DUOX1: variants seen among roughly 807,000 people sequenced by gnomAD.
DUOX1 encodes NADPH thyroid oxidase 1.
Under a neutral mutation model 181.8 loss-of-function variants are expected in DUOX1, and 134 were observed. That is an observed-to-expected ratio of 0.74 (90% CI 0.64 to 0.85). DUOX1 has a LOEUF of 0.85. DUOX1 is among the 40% of genes least tolerant of loss of function. The pLI is 0.00. For synonymous variants in DUOX1, 798 were observed against 832.5 expected (o/e 0.96, Z 0.71); for missense variants, 1,814 against 2,064.4 (o/e 0.88, Z 2.35).
chr15:45,137,833 G>T, intron 9 of DUOX1, 91 bp from the exon 10 acceptor site: 1 of 1,006,476 alleles, frequency 9.9e-7, no homozygotes, highest in South Asian at 1.8e-5. Flanking sequence ...ATGGCCTGGG[G>T]TCCCTGGATA....
In DUOX1 at chr15:45,142,103, T is replaced by C. The variant is rs1896514114; in HGVS notation, c.1813T>C (p.Phe605Leu). 2 of 1,613,510 alleles carry C rather than the reference T, an allele frequency of 1.2e-6. No individual in the cohort carries two copies. Among genetic ancestry groups the C allele is most frequent in the South Asian group, 1.1e-5 (1 of 91,008 alleles). Residue 605 changes from phenylalanine to leucine, a missense_variant, in exon 15 of 34, where the codon TTC becomes CTC. Physicochemically the swap from Phe to Leu is conservative, Grantham distance 22 (BLOSUM62 0). Transcript: ENST00000389037. ...GGTCACCATCGGGACCCTCTGTTGC[T>C]TCCCTTTGGGTAAAATCATGGACAG... Reference protein sequence around the residue: ...FGVTIGTLCCFPLVSLLSAWI... With the variant: ...FGVTIGTLCCLPLVSLLSAWI...
At chr15:45,143,412 G>A in intron 16 of DUOX1, 109 bp downstream of exon 16, 7 of 819,862 alleles carry the variant, frequency 8.5e-6, no homozygotes, top group Non-Finnish European at 1.4e-5. Context: ...TTCTAGGACT[G>A]TAGGCAAGGC....
At chr15:45,152,577 C>A in intron 25 of DUOX1, 61 bp downstream of exon 25, 1 of 1,422,718 alleles carries the variant, frequency 7.0e-7, no homozygotes, top group South Asian at 1.2e-5. Context: ...GACTTCCCCT[C>A]GTATGAGAGC....
At chr15:45,144,355 G>A in intron 17 of DUOX1, 120 bp downstream of exon 17, 1 of 1,106,882 alleles carries the variant, frequency 9.0e-7, no homozygotes, top group South Asian at 1.4e-5. Context: ...CAGGAGTCTG[G>A]CTTCTTGTTC....
rs374508853 is a variant in DUOX1 at position 45,133,950 on chromosome 15, A to G, written c.142+3A>G. 64 of 1,613,744 alleles carry G rather than the reference A, an allele frequency of 4.0e-5. No individual in the cohort carries two copies. In the African/African-American group the frequency reaches 8.3e-4, roughly 21 times the overall value. Reference sequence around the variant, plus strand: ...GGAGCACAGATGGGGCAGCAAAGGTAAGTGAGAGCCAAGTGGGGATAGAAC... The same window carrying G: ...GGAGCACAGATGGGGCAGCAAAGGTGAGTGAGAGCCAAGTGGGGATAGAAC... On this transcript the variant is annotated splice_donor_region_variant and intron_variant, in intron 3 of 33. Transcript: ENST00000389037.
rs1404583061 is a variant in DUOX1 at position 45,144,903 on chromosome 15, G to A, written c.2145G>A (p.Leu715=). 1 of 1,610,586 alleles carries A rather than the reference G, an allele frequency of 6.2e-7. No individual in the cohort carries two copies. The highest frequency in any genetic ancestry group is 1.3e-5 in the African/African-American group (1 of 74,802). ...TCGGGCTGCCCCCTTAGGTGCTGCT[G>A]TTTAACTTGGAGGAAGAGCGGCAGG... is the stretch of plus-strand genomic sequence containing the variant. The part of the protein sequence containing the change: ...KIPKEYDLVL[L]FNLEEERQAL... Residue 715 remains leucine (L), a synonymous_variant, in exon 18 of 34, where the codon CTG becomes CTA. Coordinates refer to ENST00000389037, the MANE Select transcript of DUOX1 (RefSeq NM_175940.3).
intron 20 of DUOX1, 117 bp downstream of exon 20, chr15:45,148,114 T>G: frequency 7.0e-7 from 1 of 1,425,556 alleles, no homozygotes; most frequent in South Asian, 1.2e-5. Context: ...CTTACCCATG[T>G]AACCAGAGGC....
rs938746025 is a variant in DUOX1 at position 45,162,290 on chromosome 15, A to T, written c.4161A>T (p.Gly1387=). Residue 1387 remains glycine, a synonymous_variant, in exon 31 of 34, where the codon GGA becomes GGT. Transcript: ENST00000389037. ...AGTTTGAGGTGTCAGTGTTAGTGGG[A>T]GGGGGCATTGGGGTCACCCCTTTTG... ...WHKFEVSVLV[G]GGIGVTPFAS... The T allele has an allele frequency of 2.5e-6, 4 of 1,613,690 alleles. No individual in the cohort carries two copies. The African/African-American group carries it at 5.3e-5, about 22-fold the overall frequency.
At chr15:45,163,039 T>C (rs1329251926) in intron 31 of DUOX1, among the ~76,000 whole-genome samples, 3 of 152,196 alleles carry the variant, frequency 2.0e-5, no homozygotes, top group Non-Finnish European at 4.4e-5. Context: ...TGCCCTCTGC[T>C]TCTTAACTAT....
intron 11 of DUOX1, 47 bp downstream of exon 11, chr15:45,139,215 G>A: frequency 6.2e-7 from 1 of 1,613,010 alleles, no homozygotes; most frequent in South Asian, 1.1e-5. Flanking sequence ...TGGCCTCTGG[G>A]AAGAGGCTCA....
Position 45,155,873 on chromosome 15 carries a change from C to T in DUOX1, c.3646C>T (p.Arg1216Cys), listed in dbSNP as rs150260772. The T allele has an allele frequency of 9.1e-5, 147 of 1,614,152 alleles. No individual in the cohort carries two copies. The highest frequency in any genetic ancestry group is 5.7e-4 in the African/African-American group (43 of 75,028). Reference protein sequence around the residue: ...YVFASHHFRRRSFRGFWLTHH... With the variant: ...YVFASHHFRRCSFRGFWLTHH... ...CTTTGCCTCCCACCACTTCCGCCGC[C>T]GCAGTTTCCGGGGCTTCTGGCTGAC... is the stretch of plus-strand genomic sequence containing the variant. Residue 1216 changes from arginine to cysteine, a missense_variant, in exon 28 of 34, where the codon CGC (arginine) becomes TGC (cysteine). Around this residue, in one of 5 missense-constraint regions of DUOX1, gnomAD observed 279 missense variants for 381.9 expected, o/e 0.73. Coordinates refer to ENST00000389037, the MANE Select transcript of DUOX1 (RefSeq NM_175940.3).
Position 45,165,169 on chromosome 15 carries a change from C to G in DUOX1, c.*268C>G. ...GCTACTGATTTGGGGCAAAGTGAAA[C>G]CTCTGCTTCCAGACTTCAGAAACAA... On this transcript the variant is annotated 3_prime_UTR_variant, in exon 34 of 34. Transcript: ENST00000389037. The G allele has an allele frequency of 1.9e-6, 1 of 524,712 alleles. No homozygotes were observed. Among genetic ancestry groups the G allele is most frequent in the South Asian group, 2.6e-5 (1 of 38,448 alleles). The allele number at this position is 524,712 out of a possible 1,614,324, so 32.5% of individuals were successfully genotyped here. A position where few individuals can be genotyped will look rare whatever the true frequency, so the allele number is the denominator to read the frequency against.
intron 18 of DUOX1, among the ~76,000 whole-genome samples, chr15:45,145,783 C>T (rs532088724): frequency 1.1e-3 from 168 of 151,786 alleles, no homozygotes; most frequent in Admixed American, 2.4e-3. Flanking sequence ...GGTGTGGTGG[C>T]GGGTGCCTGT....
chr15:45,147,275 C>T (rs999631207), intron 18 of DUOX1, among the ~76,000 whole-genome samples, 158 bp from the exon 19 acceptor site: 10 of 152,238 alleles, frequency 6.6e-5, no homozygotes, highest in African/African-American at 2.4e-4. Context: ...GGTCAGGGTT[C>T]TGTAGAACAA....
chr15:45,135,384 A>G, intron 5 of DUOX1, 90 bp from the exon 6 acceptor site: 1 of 1,493,490 alleles, frequency 6.7e-7, no homozygotes, highest in Admixed American at 2.3e-5. Flanking sequence ...AGAGGCGCCC[A>G]CTCCCCAGCC....
At position 45,135,101 on chromosome 15, in the gene DUOX1, C is replaced by T; in HGVS notation, c.308-3C>T. 1 of 1,613,572 alleles carries T rather than the reference C, an allele frequency of 6.2e-7. No homozygotes were observed. The highest frequency in any genetic ancestry group is 1.1e-5 in the South Asian group (1 of 91,044). ...CTAGCACCCCCTCCTGCACTGCCCG[C>T]AGGCTATCACGTGCTTTCAGACCTG... is the stretch of plus-strand genomic sequence containing the variant. On this transcript the variant is annotated splice_region_variant and splice_polypyrimidine_tract_variant and intron_variant, in intron 4 of 33. Transcript: ENST00000389037.
chr15:45,159,581 A>T (rs921354887), intron 28 of DUOX1, among the ~76,000 whole-genome samples: 11 of 152,242 alleles, frequency 7.2e-5, no homozygotes, highest in Admixed American at 2.0e-4. Context: ...AAGTGGGAAG[A>T]ATGTGACCAA....
chr15:45,141,545 G>A (rs981948407), intron 14 of DUOX1, 135 bp downstream of exon 14: 15 of 988,922 alleles, frequency 1.5e-5, no homozygotes, highest in Non-Finnish European at 1.9e-5. Flanking sequence ...TCTGCCCTTG[G>A]GAACTCCAGG....
chr15:45,145,008 G>A lies in DUOX1; in HGVS notation c.2250G>A (p.Leu750=). The A allele has an allele frequency of 6.2e-7, 1 of 1,614,128 alleles. No individual in the cohort carries two copies. Among genetic ancestry groups the A allele is most frequent in the Non-Finnish European group, 8.5e-7 (1 of 1,179,966 alleles). ...IQEWELREQE[L]MRAAVTREQR... is the part of the protein sequence containing the mutation. ...AGTGGGAGCTGCGGGAGCAGGAGCT[G>A]ATGAGAGCAGCTGTGACACGGGAGC... The change falls in exon 18 of 34, where the codon CTG becomes CTA. Residue 750 remains leucine, a synonymous_variant. Transcript: ENST00000389037.
Sources: gnomAD v4.1 joint callset for allele counts (sites outside exome capture counted in the v4.1 genomes callset) on GRCh38, gnomAD v4.1.1 for gene constraint, gnomAD v4.1.1 regional missense constraint, MANE v1.5 for transcripts, NCBI Gene and HGNC (gene_info 2026-07-23, HGNC 2026-07-21) for gene names.